The following PRKN variants were observed in gnomAD, a reference collection of about 807,000 sequenced individuals.
The protein encoded by PRKN is parkin RBR E3 ubiquitin protein ligase.
A neutral mutation model predicts 59.5 loss-of-function variants in PRKN; 56 were observed. That is an observed-to-expected ratio of 0.94 (90% confidence interval 0.76 to 1.18). The LOEUF (loss-of-function observed/expected upper bound fraction) is 1.18. Ranked by LOEUF, PRKN falls within the 50% of genes most tolerant of loss-of-function variation. The pLI, the probability that PRKN is intolerant of heterozygous loss-of-function variation, is 0.00. For missense variants in PRKN, 657 were observed against 596.4 expected, an observed-to-expected ratio of 1.10 and a Z score of -1.06; for synonymous variants, 250 against 222.1, an observed-to-expected ratio of 1.13 and a Z score of -1.12.
rs1786377015 is a variant in PRKN at position 161,388,773 on chromosome 6, G to A, written c.1084-1896C>T. 6.6e-6 allele frequency among the ~76,000 whole-genome samples: 1 copy of A among 152,210 alleles called. No homozygotes were observed. The highest frequency in any genetic ancestry group is 1.5e-5 in the Non-Finnish European group (1 of 68,032). ...TAAGGAAGCTCAACAGCCCATGGGA[G>A]CCCCACATGGAGAAGAGCTGCGGCC... On this transcript the variant is annotated intron_variant, in intron 9 of 11. Coordinates refer to ENST00000366898, the MANE Select transcript of PRKN (RefSeq NM_004562.3). This position sits in a 1 kb window ranked among gnomAD's most constrained non-coding sequence, Gnocchi z 4.3.
In PRKN at chr6:161,991,634, G is replaced by A. The variant is rs190785175; in HGVS notation, c.619-18217C>T. ...AGGCGGGCGGGTCACCTGAGGTCAC[G>A]AGTTTGAGACCAGCCTGCCCAACAC... On this transcript the variant is annotated intron_variant, in intron 5 of 11. Coordinates refer to ENST00000366898, the MANE Select transcript of PRKN (RefSeq NM_004562.3). 9.5e-3 allele frequency among the ~76,000 whole-genome samples: 1,444 copies of A among 152,196 alleles called. 15 individuals are homozygous for A. Among genetic ancestry groups the A allele is most frequent in the Middle Eastern group, 0.017 (5 of 294 alleles).
chr6:162,293,921 G>A (rs368179078), intron 2 of PRKN, among the ~76,000 whole-genome samples: 14 of 152,210 alleles, frequency 9.2e-5, no homozygotes, highest in East Asian at 1.9e-4. Flanking sequence ...ATTGTGATCC[G>A]TCCGCCTCGG....
intron 4 of PRKN, among the ~76,000 whole-genome samples, chr6:162,162,889 T>C (rs1273055421): frequency 6.7e-6 from 1 of 148,256 alleles, no homozygotes; most frequent in Non-Finnish European, 1.5e-5. Flanking sequence ...GCACCTGTAG[T>C]CCCAGCTACT....
chr6:161,752,538 T>G (rs1788741105), intron 7 of PRKN, among the ~76,000 whole-genome samples: 1 of 151,800 alleles, frequency 6.6e-6, no homozygotes, highest in Admixed American at 6.6e-5. Flanking sequence ...CATAAAAATA[T>G]AACAATTAGC....
chr6:162,708,726 C>G (rs1244243415), intron 1 of PRKN, among the ~76,000 whole-genome samples: 3 of 152,222 alleles, frequency 2.0e-5, no homozygotes, highest in Non-Finnish European at 4.4e-5. Flanking sequence ...AGAAATAACA[C>G]TGCCTTTCTG....
At chr6:162,626,036 T>C (rs1417481916) in intron 1 of PRKN, among the ~76,000 whole-genome samples, 1 of 152,148 alleles carries the variant, frequency 6.6e-6, no homozygotes, top group Non-Finnish European at 1.5e-5. Context: ...GGGTAGAGAC[T>C]AGGAAAATCC....
At chr6:162,028,014 C>T (rs1003775004) in intron 5 of PRKN, among the ~76,000 whole-genome samples, 1 of 151,690 alleles carries the variant, frequency 6.6e-6, no homozygotes, top group Non-Finnish European at 1.5e-5. Context: ...AAATATACTC[C>T]GAATACTGCC....
intron 2 of PRKN, chr6:162,267,140 A>C (rs1471279607): frequency 6.6e-6 from 1 of 152,228 alleles, no homozygotes; most frequent in East Asian, 1.9e-4. Flanking sequence ...GTACAGCTGC[A>C]AAGGGGAAAA....
intron 4 of PRKN, among the ~76,000 whole-genome samples, chr6:162,140,724 A>AATTGAGCAC (rs11282448): frequency 1.3e-5 from 2 of 151,706 alleles, no homozygotes; most frequent in African/African-American, 4.9e-5. Context: ...AAAGCAATTT[A>AATTGAGCAC]ATGCAGGTGG....
intron 2 of PRKN, among the ~76,000 whole-genome samples, chr6:162,295,077 C>T (rs1781604190): frequency 6.6e-6 from 1 of 152,206 alleles, no homozygotes; most frequent in African/African-American, 2.4e-5. Flanking sequence ...AATATATTAA[C>T]TAGGCAAGTT....
chr6:161,972,288 A>C (rs1241637415), intron 6 of PRKN, among the ~76,000 whole-genome samples: 47 of 152,196 alleles, frequency 3.1e-4, no homozygotes, highest in Admixed American at 2.6e-3. Flanking sequence ...AAAAAAAAAA[A>C]AAAAGAGTTC....
At chr6:161,818,049 C>G (rs1791864190) in intron 6 of PRKN, among the ~76,000 whole-genome samples, 1 of 152,198 alleles carries the variant, frequency 6.6e-6, no homozygotes, top group Non-Finnish European at 1.5e-5. Context: ...CAAATCATAA[C>G]ACAGACATGC....
intron 5 of PRKN, among the ~76,000 whole-genome samples, chr6:162,031,189 G>A (rs1783623037): frequency 6.6e-6 from 1 of 151,972 alleles, no homozygotes; most frequent in African/African-American, 2.4e-5. Flanking sequence ...TCTAGGAATG[G>A]TGAGAAAGCC....
chr6:161,721,138 ATTG>A (rs1787204301), intron 7 of PRKN, among the ~76,000 whole-genome samples: 1 of 152,196 alleles, frequency 6.6e-6, no homozygotes, highest in Admixed American at 6.5e-5. Flanking sequence ...ATAAATTGTT[ATTG>A]TTGTTATTTT....
chr6:162,284,473 C>T (rs917447118), intron 2 of PRKN, among the ~76,000 whole-genome samples: 1 of 152,028 alleles, frequency 6.6e-6, no homozygotes, highest in Non-Finnish European at 1.5e-5. Flanking sequence ...ATCCACCTGC[C>T]TCGGTCTCCC....
chr6:161,463,463 A>G lies in PRKN; in HGVS notation c.1084-76586T>C, dbSNP rs1790310156. Among the ~76,000 whole-genome samples, 1 of 152,198 alleles carries G rather than the reference A, an allele frequency of 6.6e-6. No homozygotes were observed. Among genetic ancestry groups the G allele is most frequent in the South Asian group, 2.1e-4 (1 of 4,830 alleles). ...ATCCTGCCCCTCCTTGATTTTGGAC[A>G]GGATGCATTTGGGATCTGGCAGCAC... On this transcript the variant is annotated intron_variant, in intron 9 of 11. Transcript: ENST00000366898. The surrounding 1 kb of genome is among the most constrained non-coding windows in gnomAD (Gnocchi z 4.8).
chr6:162,724,860 G>C (rs780843611), intron 1 of PRKN, among the ~76,000 whole-genome samples: 6 of 152,186 alleles, frequency 3.9e-5, no homozygotes, highest in Non-Finnish European at 8.8e-5. Context: ...TAAAAAGCCT[G>C]AGTAGGCCTG....
chr6:161,734,774 T>C (rs1787895779), intron 7 of PRKN, among the ~76,000 whole-genome samples: 1 of 152,176 alleles, frequency 6.6e-6, no homozygotes, highest in South Asian at 2.1e-4. Context: ...CCTGAGTGAA[T>C]AAGGTATGTA....
chr6:162,681,244 T>C (rs974049928), intron 1 of PRKN, among the ~76,000 whole-genome samples: 1 of 152,182 alleles, frequency 6.6e-6, no homozygotes, highest in African/African-American at 2.4e-5. Flanking sequence ...CTTCTAACTC[T>C]ATAAGTTATT....
Sources: allele counts gnomAD v4.1 joint callset (sites outside exome capture counted in the v4.1 genomes callset), GRCh38; gene constraint gnomAD v4.1.1; non-coding constraint Gnocchi (gnomAD v3.1); transcripts MANE v1.5; gene names NCBI Gene and HGNC (gene_info 2026-07-23, HGNC 2026-07-21).